Variants in RTL4 observed in about 807,000 individuals in gnomAD.
RTL4 encodes the protein retrotransposon Gag-like protein 4.
Under a neutral mutation model 5.3 loss-of-function variants are expected in RTL4, and 4 were observed. That is an observed-to-expected ratio of 0.75 (90% confidence interval 0.37 to 1.72). The LOEUF (loss-of-function observed/expected upper bound fraction) is 1.72. RTL4 is among the 40% of genes most tolerant of loss of function. The pLI is 0.04. For missense variants in RTL4, 260 were observed against 227.1 expected (o/e 1.14, Z -0.93); for synonymous variants, 98 against 87.3 (o/e 1.12, Z -0.68).
chrX:112,161,183 A>G, the RTL4 span, among the ~76,000 whole-genome samples: 1 of 111,700 alleles, frequency 9.0e-6, no homozygotes, highest in Admixed American at 9.5e-5. Context: ...ATGCTTTGTC[A>G]ATCAAAAATA....
At chrX:112,176,473 A>G in the RTL4 span, among the ~76,000 whole-genome samples, 6 of 111,735 alleles carry the variant, frequency 5.4e-5, no homozygotes, top group Non-Finnish European at 1.1e-4. Flanking sequence ...TAGAAGCCAC[A>G]TTCAGCAGTG....
chrX:112,200,062 TATC>T, the RTL4 span, among the ~76,000 whole-genome samples: 2 of 112,256 alleles, frequency 1.8e-5, no homozygotes, highest in Non-Finnish European at 3.8e-5. Flanking sequence ...TAGGAATCAT[TATC>T]ATCCCCATTC....
chrX:112,417,802 C>CAAACA, the RTL4 span, among the ~76,000 whole-genome samples: 1 of 111,044 alleles, frequency 9.0e-6, no homozygotes, highest in Non-Finnish European at 1.9e-5. Context: ...AAATTAAAAC[C>CAAACA]AAACAAAACA....
At chrX:112,327,443 G>C in the RTL4 span, among the ~76,000 whole-genome samples, 9 of 110,314 alleles carry the variant, frequency 8.2e-5, no homozygotes, top group Non-Finnish European at 1.5e-4. Context: ...AAGCGAGAAG[G>C]GAAGTTTAGA....
chrX:112,380,247 C>T, the RTL4 span, among the ~76,000 whole-genome samples: 6 of 109,320 alleles, frequency 5.5e-5, no homozygotes, highest in Non-Finnish European at 1.1e-4. Flanking sequence ...CCCGGGTTCA[C>T]GCCATTCTCC....
the RTL4 span, among the ~76,000 whole-genome samples, chrX:112,359,542 C>T: frequency 4.3e-5 from 4 of 92,391 alleles, no homozygotes; most frequent in Non-Finnish European, 8.3e-5. Flanking sequence ...TTCTCAAGTA[C>T]TTTTATAAAG....
the RTL4 span, among the ~76,000 whole-genome samples, chrX:112,168,965 T>TTCC: frequency 1.3e-4 from 12 of 92,356 alleles, no homozygotes; most frequent in Non-Finnish European, 1.7e-4. Context: ...CTTTCTTTCT[T>TTCC]TTTCTTTCTT....
At chrX:112,361,083 T>G in the RTL4 span, among the ~76,000 whole-genome samples, 7 of 111,623 alleles carry the variant, frequency 6.3e-5, no homozygotes, top group Non-Finnish European at 1.1e-4. Context: ...TTCACAGCAC[T>G]TAAACACATA....
At chrX:112,314,202 G>C in the RTL4 span, among the ~76,000 whole-genome samples, 19 of 112,015 alleles carry the variant, frequency 1.7e-4, no homozygotes, top group East Asian at 4.2e-3. Context: ...TTCAACCCAT[G>C]TCTGACCAAT....
chrX:112,394,869 C>G, the RTL4 span, among the ~76,000 whole-genome samples: 1 of 111,844 alleles, frequency 8.9e-6, no homozygotes, highest in African/African-American at 3.3e-5. Context: ...TATGTACTAA[C>G]GATTTACAAG....
At chrX:112,189,569 C>T in the RTL4 span, among the ~76,000 whole-genome samples, 6 of 110,622 alleles carry the variant, frequency 5.4e-5, no homozygotes, top group Admixed American at 2.9e-4. Context: ...TCGACACCAG[C>T]CTGCCTAACA....
At chrX:112,212,148 G>A in the RTL4 span, among the ~76,000 whole-genome samples, 3 of 112,103 alleles carry the variant, frequency 2.7e-5, no homozygotes, top group African/African-American at 9.7e-5. Flanking sequence ...AGGCCGAGGC[G>A]GGCGGATCAC....
At chrX:112,124,327 C>T in the RTL4 span, among the ~76,000 whole-genome samples, 33 of 111,639 alleles carry the variant, frequency 3.0e-4, no homozygotes, top group Non-Finnish European at 5.5e-4. Flanking sequence ...TGGGTATATA[C>T]CCAAAGTAAT....
At chrX:112,203,175 G>T in the RTL4 span, among the ~76,000 whole-genome samples, 1 of 110,419 alleles carries the variant, frequency 9.1e-6, no homozygotes, top group Non-Finnish European at 1.9e-5. Flanking sequence ...GAACATAGGG[G>T]TTGCGAATAT....
chrX:112,435,022 G>A, the RTL4 span, among the ~76,000 whole-genome samples: 1 of 111,025 alleles, frequency 9.0e-6, no homozygotes, highest in South Asian at 3.8e-4. Flanking sequence ...GGGAAATGCT[G>A]TAAATGCTTA....
chrX:112,421,856 G>A, the RTL4 span, among the ~76,000 whole-genome samples: 1 of 112,522 alleles, frequency 8.9e-6, no homozygotes, highest in Admixed American at 9.5e-5. Context: ...TTCTATTTAC[G>A]TGTTATCCAC....
chrX:112,392,753 G>A, the RTL4 span, among the ~76,000 whole-genome samples: 2 of 111,769 alleles, frequency 1.8e-5, no homozygotes, highest in Admixed American at 1.9e-4. Context: ...GGAGAACACC[G>A]ATGGGGATAG....
the RTL4 span, among the ~76,000 whole-genome samples, chrX:112,220,318 A>G: frequency 8.9e-6 from 1 of 112,874 alleles, no homozygotes; most frequent in Non-Finnish European, 1.9e-5. Context: ...TTCCACTCAA[A>G]TTGAGTCAAA....
At chrX:112,121,678 A>G in the RTL4 span, among the ~76,000 whole-genome samples, 1 of 111,700 alleles carries the variant, frequency 9.0e-6, no homozygotes, top group African/African-American at 3.2e-5. Flanking sequence ...TAGGTAAAAT[A>G]TTTTTTAAAA....
Sources: allele counts gnomAD v4.1 joint callset (sites outside exome capture counted in the v4.1 genomes callset), GRCh38; gene constraint gnomAD v4.1.1; transcripts MANE v1.5; gene names NCBI Gene and HGNC (gene_info 2026-07-23, HGNC 2026-07-21).